SLC10A7: variants seen among roughly 807,000 people sequenced by gnomAD.
The protein encoded by SLC10A7 is solute carrier family 10 member 7.
Under a neutral mutation model 43.2 loss-of-function variants are expected in SLC10A7, and 29 were observed. The ratio of observed to expected loss-of-function variants is 0.67; its 90% CI spans 0.50 to 0.92. SLC10A7 has a LOEUF of 0.92. Ranked by LOEUF, SLC10A7 falls within the 40% of genes least tolerant of loss-of-function variation. SLC10A7 has a pLI of 0.00. For synonymous variants in SLC10A7, 152 were observed against 144.8 expected (o/e 1.05, Z -0.35); for missense variants, 295 against 403.2 (o/e 0.73, Z 2.30).
intron 7 of SLC10A7, among the ~76,000 whole-genome samples, chr4:146,303,726 T>C (rs1163430558): frequency 6.6e-6 from 1 of 152,112 alleles, no homozygotes; most frequent in Non-Finnish European, 1.5e-5. Context: ...TTGTTTCCTG[T>C]TTAGTATTTG....
chr4:146,327,920 T>C (rs1467545745), intron 5 of SLC10A7, among the ~76,000 whole-genome samples: 2 of 151,906 alleles, frequency 1.3e-5, no homozygotes, highest in African/African-American at 4.8e-5. Context: ...GATCAATATA[T>C]GCCACTCACT....
intron 4 of SLC10A7, among the ~76,000 whole-genome samples, chr4:146,469,239 G>C (rs1218115108): frequency 1.3e-5 from 2 of 152,160 alleles, no homozygotes; most frequent in Non-Finnish European, 2.9e-5. Flanking sequence ...TAGTAACATA[G>C]GGATGATGTA....
intron 6 of SLC10A7, among the ~76,000 whole-genome samples, chr4:146,315,401 G>A (rs1732257166): frequency 6.6e-6 from 1 of 152,086 alleles, no homozygotes; most frequent in African/African-American, 2.4e-5. Context: ...TCAAAGGAAA[G>A]GAAAGATATG....
At chr4:146,469,245 A>G (rs2149958799) in intron 4 of SLC10A7, among the ~76,000 whole-genome samples, 1 of 152,316 alleles carries the variant, frequency 6.6e-6, no homozygotes, top group African/African-American at 2.4e-5. Flanking sequence ...CATAGGGATG[A>G]TGTAATGAGG....
chr4:146,512,229 C>T (rs926651238), intron 2 of SLC10A7, among the ~76,000 whole-genome samples: 2 of 152,134 alleles, frequency 1.3e-5, no homozygotes, highest in African/African-American at 4.8e-5. Context: ...CCGCCTTGGC[C>T]TCCCCAAGTG....
rs201633577 is a variant in SLC10A7, at chr4:146,488,496, A to AG, written c.396+15352dup. 3.3e-4 allele frequency among the ~76,000 whole-genome samples: 50 copies of AG among 152,360 alleles called. No individual in the cohort carries two copies. In the South Asian group the frequency reaches 9.9e-3, roughly 30 times the overall value. ...GATTTCAGATCATCCAAAATTAAGG[A>AG]GGGAAAAAAAATGACTAAAAGTCCC... On this transcript the variant is annotated intron_variant, in intron 4 of 11. Transcript: ENST00000335472.
At chr4:146,281,690 T>C (rs1449535579) in intron 10 of SLC10A7, among the ~76,000 whole-genome samples, 1 of 152,166 alleles carries the variant, frequency 6.6e-6, no homozygotes, top group Non-Finnish European at 1.5e-5. Flanking sequence ...GATGATTTCC[T>C]TGAGGTCAAC....
At chr4:146,305,749 T>A (rs191157564) in intron 7 of SLC10A7, among the ~76,000 whole-genome samples, 177 bp downstream of exon 7, 158 of 152,192 alleles carry the variant, frequency 1.0e-3, no homozygotes, top group Admixed American at 2.8e-3. Context: ...CAGATTAGTA[T>A]TAATTTAAAA....
intron 5 of SLC10A7, among the ~76,000 whole-genome samples, chr4:146,349,960 G>A (rs1734913992): frequency 6.6e-6 from 1 of 152,022 alleles, no homozygotes. Flanking sequence ...TAACAGTCCT[G>A]TACATGTACC....
At chr4:146,381,389 C>T (rs1375855500) in intron 5 of SLC10A7, among the ~76,000 whole-genome samples, 2 of 152,108 alleles carry the variant, frequency 1.3e-5, no homozygotes, top group Non-Finnish European at 2.9e-5. Flanking sequence ...TCTAACATTG[C>T]CATGCACAGC....
At chr4:146,483,506 T>C (rs1734663598) in intron 4 of SLC10A7, among the ~76,000 whole-genome samples, 1 of 151,452 alleles carries the variant, frequency 6.6e-6, no homozygotes, top group Non-Finnish European at 1.5e-5. Context: ...AATCAAAGTA[T>C]AGCAATATAG....
chr4:146,315,552 C>A (rs557026793), intron 6 of SLC10A7, among the ~76,000 whole-genome samples: 2 of 152,196 alleles, frequency 1.3e-5, no homozygotes, highest in East Asian at 3.9e-4. Flanking sequence ...TAAAAATTTT[C>A]TTTCAGTAGA....
intron 5 of SLC10A7, among the ~76,000 whole-genome samples, chr4:146,387,660 T>C (rs748227983): frequency 2.0e-5 from 3 of 152,208 alleles, no homozygotes; most frequent in Non-Finnish European, 4.4e-5. Context: ...ACTGATAATA[T>C]GATCTTTTAT....
intron 5 of SLC10A7, among the ~76,000 whole-genome samples, chr4:146,374,283 C>A (rs949447687): frequency 1.6e-4 from 24 of 152,100 alleles, no homozygotes; most frequent in African/African-American, 5.6e-4. Context: ...TTTTCCCCTC[C>A]CATCTTATAA....
intron 5 of SLC10A7, among the ~76,000 whole-genome samples, chr4:146,420,245 GTTTA>G (rs951774029): frequency 2.0e-4 from 30 of 152,308 alleles, no homozygotes; most frequent in African/African-American, 7.0e-4. Context: ...CAAATGAAAT[GTTTA>G]TTTATCTCAC....
chr4:146,269,047 T>G (rs1335921540), intron 10 of SLC10A7, among the ~76,000 whole-genome samples: 1 of 152,204 alleles, frequency 6.6e-6, no homozygotes, highest in South Asian at 2.1e-4. Flanking sequence ...TTAAGAAAAT[T>G]AAAAATTGTG....
chr4:146,459,965 A>G (rs1405678103), intron 4 of SLC10A7, among the ~76,000 whole-genome samples: 1 of 151,978 alleles, frequency 6.6e-6, no homozygotes. Flanking sequence ...AAAACAAAAT[A>G]AAACAAAACT....
chr4:146,300,142 G>C (rs1731065515), intron 7 of SLC10A7, among the ~76,000 whole-genome samples: 1 of 152,118 alleles, frequency 6.6e-6, no homozygotes. Flanking sequence ...TCGTGAGGAT[G>C]GTGACTGAAA....
intron 5 of SLC10A7, among the ~76,000 whole-genome samples, chr4:146,425,838 G>T (rs1729308584): frequency 6.6e-6 from 1 of 152,204 alleles, no homozygotes; most frequent in African/African-American, 2.4e-5. Context: ...GTGTACCCTT[G>T]CAGGGGAGCC....
Sources: allele counts gnomAD v4.1 joint callset (sites outside exome capture counted in the v4.1 genomes callset), GRCh38; gene constraint gnomAD v4.1.1; transcripts MANE v1.5; gene names NCBI Gene and HGNC (gene_info 2026-07-23, HGNC 2026-07-21).